The following LYPLAL1 variants were observed in gnomAD, a reference collection of about 807,000 sequenced individuals.
LYPLAL1 encodes lysophospholipase like 1, also known as lysophospholipase-like protein 1.
A neutral mutation model predicts 19.7 loss-of-function variants in LYPLAL1; 23 were observed. The observed-to-expected ratio is 1.17, with a 90% CI of 0.84 to 1.65. The LOEUF is 1.65. LYPLAL1 is among the 40% of genes most tolerant of loss of function. The pLI, the probability that LYPLAL1 is intolerant of heterozygous loss-of-function variation, is 0.00. For synonymous variants in LYPLAL1, 119 were observed against 96.3 expected (o/e 1.24, Z -1.38); for missense variants, 355 against 279.4 (o/e 1.27, Z -1.93).
At chr1:219,402,643 CAAAA>C in the LYPLAL1 span, among the ~76,000 whole-genome samples, 8 of 101,664 alleles carry the variant, frequency 7.9e-5, no homozygotes, top group African/African-American at 1.9e-4. Flanking sequence ...TACCAGAAAC[CAAAA>C]AAAAAAAAAA....
chr1:219,383,716 A>G, the LYPLAL1 span, among the ~76,000 whole-genome samples: 1 of 152,250 alleles, frequency 6.6e-6, no homozygotes, highest in African/African-American at 2.4e-5. Flanking sequence ...TTACTGCTCA[A>G]ACTGTCTCAA....
At chr1:219,318,139 C>G in the LYPLAL1 span, among the ~76,000 whole-genome samples, 1 of 152,122 alleles carries the variant, frequency 6.6e-6, no homozygotes, top group East Asian at 1.9e-4. Context: ...TGTGTATGGG[C>G]TTGAGCTCGT....
chr1:219,186,048 G>C (rs1477520052), intron 2 of LYPLAL1, among the ~76,000 whole-genome samples: 2 of 151,648 alleles, frequency 1.3e-5, no homozygotes, highest in Non-Finnish European at 2.9e-5. Flanking sequence ...TTAGTTCTGG[G>C]ACCTATATAA....
chr1:219,219,431 C>G, the LYPLAL1 span, among the ~76,000 whole-genome samples: 1 of 152,198 alleles, frequency 6.6e-6, no homozygotes, highest in African/African-American at 2.4e-5. Context: ...GACAAGTTAA[C>G]ACTTGTTAGG....
At chr1:219,285,958 T>G in the LYPLAL1 span, among the ~76,000 whole-genome samples, 1 of 152,086 alleles carries the variant, frequency 6.6e-6, no homozygotes, top group Admixed American at 6.5e-5. Context: ...GAGATAGAAA[T>G]TAGAGACAGA....
chr1:219,190,215 A>T (rs1289799479), intron 2 of LYPLAL1, among the ~76,000 whole-genome samples: 1 of 151,554 alleles, frequency 6.6e-6, no homozygotes, highest in African/African-American at 2.4e-5. Flanking sequence ...TATTAGAGGG[A>T]AGTCAGTTCA....
chr1:219,374,950 T>G, the LYPLAL1 span, among the ~76,000 whole-genome samples: 1 of 152,218 alleles, frequency 6.6e-6, no homozygotes, highest in Non-Finnish European at 1.5e-5. Flanking sequence ...TGAGGTTCCC[T>G]TCCATCTCCT....
chr1:219,267,647 T>A, the LYPLAL1 span, among the ~76,000 whole-genome samples: 15 of 152,344 alleles, frequency 9.8e-5, no homozygotes, highest in South Asian at 3.1e-3. Flanking sequence ...TTCATTCAGT[T>A]ATTCATTCAC....
the LYPLAL1 span, among the ~76,000 whole-genome samples, chr1:219,292,661 A>G: frequency 6.6e-6 from 1 of 152,186 alleles, no homozygotes; most frequent in Non-Finnish European, 1.5e-5. Context: ...AACTGATTTC[A>G]TCTTTAGGAT....
chr1:219,260,912 C>T, the LYPLAL1 span, among the ~76,000 whole-genome samples: 2 of 151,848 alleles, frequency 1.3e-5, no homozygotes. Context: ...AAAGGTGATT[C>T]TCTTCTTTTT....
At chr1:219,338,087 C>T in the LYPLAL1 span, among the ~76,000 whole-genome samples, 3 of 151,918 alleles carry the variant, frequency 2.0e-5, no homozygotes, top group African/African-American at 4.8e-5. Flanking sequence ...TCTCATTTTA[C>T]GTGGTTTGGA....
chr1:219,274,556 T>C, the LYPLAL1 span, among the ~76,000 whole-genome samples: 32 of 152,226 alleles, frequency 2.1e-4, no homozygotes, highest in African/African-American at 7.2e-4. Context: ...CAACTAACTT[T>C]TGTATTTTTA....
the LYPLAL1 span, chr1:219,223,232 T>C: frequency 6.6e-6 from 1 of 152,064 alleles, no homozygotes; most frequent in Non-Finnish European, 1.5e-5. Context: ...TGGGTAGTTG[T>C]TTGGATGTCT....
At chr1:219,238,148 G>C in the LYPLAL1 span, among the ~76,000 whole-genome samples, 1 of 107,814 alleles carries the variant, frequency 9.3e-6, no homozygotes, top group Non-Finnish European at 1.8e-5. Context: ...TTTTTTGACA[G>C]AGTCTCGCTC....
the LYPLAL1 span, among the ~76,000 whole-genome samples, chr1:219,371,400 A>G: frequency 2.0e-5 from 3 of 152,168 alleles, no homozygotes; most frequent in South Asian, 2.1e-4. Flanking sequence ...TAAATTTCTT[A>G]TGCTCTTTCT....
chr1:219,350,380 C>T, the LYPLAL1 span, among the ~76,000 whole-genome samples: 6 of 152,206 alleles, frequency 3.9e-5, no homozygotes, highest in East Asian at 3.9e-4. Flanking sequence ...ACCTAATATC[C>T]GTGTAATGAT....
chr1:219,181,080 C>T (rs77632942), intron 2 of LYPLAL1, among the ~76,000 whole-genome samples: 2,482 of 151,964 alleles, frequency 0.016, 18 homozygotes, highest in Non-Finnish European at 0.023. Context: ...GGAAGAAATA[C>T]GTAAGATTGA....
intron 3 of LYPLAL1, among the ~76,000 whole-genome samples, chr1:219,201,671 T>A (rs1459841852): frequency 6.6e-6 from 1 of 152,158 alleles, no homozygotes; most frequent in Admixed American, 6.5e-5. Context: ...TACATTGAGA[T>A]ACAGAAAGAG....
At chr1:219,365,582 C>T in the LYPLAL1 span, among the ~76,000 whole-genome samples, 1 of 152,278 alleles carries the variant, frequency 6.6e-6, no homozygotes, top group African/African-American at 2.4e-5. Context: ...AACAGCTCTT[C>T]CCTGGATACC....
Sources: gnomAD v4.1 joint callset for allele counts (sites outside exome capture counted in the v4.1 genomes callset) on GRCh38, gnomAD v4.1.1 for gene constraint, MANE v1.5 for transcripts, NCBI Gene and HGNC (gene_info 2026-07-23, HGNC 2026-07-21) for gene names.